NEB: variants seen among roughly 807,000 people sequenced by gnomAD.
NEB encodes nebulin, also known as nemaline myopathy type 2.
A neutral mutation model predicts 952.2 loss-of-function variants in NEB; 512 were observed. The observed-to-expected ratio is 0.54, with a 90% CI of 0.50 to 0.58. The LOEUF is 0.58. NEB is among the 20% of genes least tolerant of loss of function. NEB has a pLI of 0.00. For synonymous variants in NEB, 2,900 were observed against 3,149.8 expected, an observed-to-expected ratio of 0.92 and a Z score of 2.66; for missense variants, 8,428 against 9,231.1, an observed-to-expected ratio of 0.91 and a Z score of 3.56.
chr2:151,557,149 G>T (rs2095701670), intron 124 of NEB, among the ~76,000 whole-genome samples: 1 of 151,558 alleles, frequency 6.6e-6, no homozygotes, highest in Non-Finnish European at 1.5e-5. Flanking sequence ...AAAGAAAGAA[G>T]AATCAAATAG....
At chr2:151,535,600 C>T in intron 142 of NEB, 91 bp downstream of exon 142, 1 of 711,810 alleles carries the variant, frequency 1.4e-6, no homozygotes, top group Non-Finnish European at 2.3e-6. Context: ...GCTTTCCTGT[C>T]ATTCTGTGTA....
At chr2:151,613,370 A>T (rs2098083357) in intron 77 of NEB, among the ~76,000 whole-genome samples, 1 of 152,246 alleles carries the variant, frequency 6.6e-6, no homozygotes, top group African/African-American at 2.4e-5. Flanking sequence ...TTATAATGCA[A>T]TTGATTCATT....
At chr2:151,536,593 TAACA>T (rs2093246224) in intron 141 of NEB, among the ~76,000 whole-genome samples, 1 of 152,178 alleles carries the variant, frequency 6.6e-6, no homozygotes. Context: ...CACAGTATTG[TAACA>T]AACAAAGAAG....
intron 142 of NEB, chr2:151,534,140 G>A (rs939134309): frequency 9.4e-7 from 1 of 1,063,678 alleles, no homozygotes; most frequent in Non-Finnish European, 1.4e-6. Flanking sequence ...CATCCTTGCA[G>A]CAGACGGGAT....
At chr2:151,732,590 G>A (rs945437287) in intron 3 of NEB, among the ~76,000 whole-genome samples, 2 of 152,144 alleles carry the variant, frequency 1.3e-5, no homozygotes, top group African/African-American at 2.4e-5. Context: ...TTGCTTGTAT[G>A]TGTGTGTCTG....
intron 81 of NEB, among the ~76,000 whole-genome samples, chr2:151,608,887 G>A (rs2097790127): frequency 1.9e-5 from 1 of 51,942 alleles, no homozygotes. Flanking sequence ...TGGGCAACAA[G>A]AGCAAACCTC....
chr2:151,534,188 G>A, intron 142 of NEB: 1 of 1,560,442 alleles, frequency 6.4e-7, no homozygotes, highest in Non-Finnish European at 8.8e-7. Context: ...GTCCTGCCTG[G>A]GCCACCGGCC....
intron 124 of NEB, among the ~76,000 whole-genome samples, chr2:151,557,587 A>T (rs888740292): frequency 2.6e-5 from 4 of 152,224 alleles, no homozygotes; most frequent in African/African-American, 9.6e-5. Flanking sequence ...TTAGACCAAT[A>T]TCCCTGATGA....
At chr2:151,499,439 G>C in intron 168 of NEB, 49 bp from the exon 169 acceptor site, 1 of 1,024,360 alleles carries the variant, frequency 9.8e-7, no homozygotes, top group South Asian at 1.4e-5. Context: ...AGTCAAAACA[G>C]CCCTTTCATC....
At chr2:151,658,377 T>C (rs571830632) in intron 47 of NEB, among the ~76,000 whole-genome samples, 4 of 152,290 alleles carry the variant, frequency 2.6e-5, no homozygotes, top group South Asian at 2.1e-4. Flanking sequence ...GAGATTCTTA[T>C]TGATGCAAAT....
Position 151,695,584 on chromosome 2 carries a change from C to T in NEB, c.1668G>A (p.Leu556=), listed in dbSNP as rs2149298109. The part of the protein sequence containing the change: ...FIQHKVNAYN[L]SDNLYKQDWE... ...CAGGGCATAAGGAACTTACATCACT[C>T]AAGTTATAGGCATTGACTTTGTGCT... Residue 556 remains leucine, a synonymous_variant, in exon 18 of 182, where the codon TTG becomes TTA. Transcript: ENST00000397345. The T allele has an allele frequency of 6.2e-7, 1 of 1,612,550 alleles. No homozygotes were observed. Among genetic ancestry groups the T allele is most frequent in the Non-Finnish European group, 8.5e-7 (1 of 1,178,746 alleles).
chr2:151,643,222 T>A lies in NEB; in HGVS notation c.8088A>T (p.Gln2696His). 6.2e-7 allele frequency: 1 copy of A among 1,613,980 alleles called. No homozygotes were observed. Among genetic ancestry groups the A allele is most frequent in the Non-Finnish European group, 8.5e-7 (1 of 1,179,852 alleles). Residue 2696 changes from glutamine (Q) to histidine (H), a missense_variant, in exon 58 of 182, where the codon CAA (glutamine) becomes CAT (histidine). This residue lies in a region of NEB where 1,772 missense variants were observed against 1,960.3 expected (regional missense o/e 0.90). Coordinates refer to ENST00000397345, the MANE Select transcript of NEB (RefSeq NM_001164508.2). ...SDHVYRQHPD[Q>H]FKFSSLMDSI... ...AATCCATAAGGCTGGAAAACTTAAA[T>A]TGATCTGGGTGCTGACGGTAAACAT...
In NEB at chr2:151,505,524, A is replaced by G. The variant is rs2068101845; in HGVS notation, c.23696T>C (p.Leu7899Pro). 3.7e-6 allele frequency: 6 copies of G among 1,613,730 alleles called. No individual in the cohort carries two copies. Among genetic ancestry groups the G allele is most frequent in the Non-Finnish European group, 4.2e-6 (5 of 1,179,764 alleles). ...CTCCTTCACACGTTTCACTTCAGGC[A>G]GGTCAGGGATTGGAGTTCCTTGTCC... ...AIGQGTPIPDLPEVKRVKETQ... is the reference protein window; with the variant it reads ...AIGQGTPIPDPPEVKRVKETQ... The change falls in exon 165 of 182, where the codon CTG (leucine) becomes CCG (proline). Residue 7899 changes from leucine to proline, a missense_variant. Coordinates refer to ENST00000397345, the MANE Select transcript of NEB (RefSeq NM_001164508.2).
At chr2:151,622,248 A>G (rs2098433403) in intron 71 of NEB, among the ~76,000 whole-genome samples, 1 of 152,190 alleles carries the variant, frequency 6.6e-6, no homozygotes, top group Non-Finnish European at 1.5e-5. Flanking sequence ...TCAGCCTCCC[A>G]AATTGCTGGG....
chr2:151,608,905 C>CAA (rs1163520121), intron 81 of NEB, among the ~76,000 whole-genome samples: 1,246 of 34,416 alleles, frequency 0.036, 118 homozygotes, highest in African/African-American at 0.14. Flanking sequence ...CTCCGTCTCA[C>CAA]AAAAAAAAAA....
At chr2:151,650,143 C>A (rs1225540033) in intron 54 of NEB, 33 bp downstream of exon 54, 1 of 1,597,626 alleles carries the variant, frequency 6.3e-7, no homozygotes, top group Admixed American at 1.7e-5. Flanking sequence ...GTAGCAGGCA[C>A]TATAATCTAT....
rs1258447665 is a variant in NEB at position 151,636,353 on chromosome 2, A to G, written c.8995-19T>C. On this transcript the variant is annotated intron_variant, in intron 63 of 181. Coordinates refer to ENST00000397345, the MANE Select transcript of NEB (RefSeq NM_001164508.2). ...ACAGACTCTAAATTTGGGGGAAAAA[A>G]AATCAGATGCTGACATTTATATCTA... 3 of 1,570,506 alleles carry G rather than the reference A, an allele frequency of 1.9e-6. No individual in the cohort carries two copies. The highest frequency in any genetic ancestry group is 2.6e-6 in the Non-Finnish European group (3 of 1,155,844).
At chr2:151,526,680 GA>G (rs2086275735) in intron 148 of NEB, among the ~76,000 whole-genome samples, 1 of 152,210 alleles carries the variant, frequency 6.6e-6, no homozygotes, top group Admixed American at 6.5e-5. Context: ...CCTGCTGTGT[GA>G]ACTCTCTGCT....
chr2:151,494,930 G>GA (rs1452686632), intron 173 of NEB: 2 of 153,516 alleles, frequency 1.3e-5, no homozygotes, highest in East Asian at 3.8e-4. Context: ...TTACAGGCGT[G>GA]AGCCACCACA....
Sources: allele counts gnomAD v4.1 joint callset (sites outside exome capture counted in the v4.1 genomes callset), GRCh38; gene constraint gnomAD v4.1.1; regional missense constraint gnomAD v4.1.1; transcripts MANE v1.5; gene names NCBI Gene and HGNC (gene_info 2026-07-23, HGNC 2026-07-21).